The following CACNA1A variants were observed in gnomAD, a reference collection of about 807,000 sequenced individuals.
The protein encoded by CACNA1A is calcium voltage-gated channel subunit alpha1 A.
A neutral mutation model predicts 262.4 loss-of-function variants in CACNA1A; 57 were observed. The ratio of observed to expected loss-of-function variants is 0.22; its 90% CI spans 0.18 to 0.27. CACNA1A has a LOEUF of 0.27. Ranked by LOEUF, CACNA1A falls within the 10% of genes least tolerant of loss-of-function variation. The pLI is 1.00. For missense variants in CACNA1A, 2,526 were observed against 3,562.8 expected (o/e 0.71, Z 7.41); for synonymous variants, 1,431 against 1,419.3 (o/e 1.01, Z -0.18).
intron 3 of CACNA1A, among the ~76,000 whole-genome samples, chr19:13,443,497 A>T (rs1015946950): frequency 2.6e-5 from 4 of 152,046 alleles, no homozygotes; most frequent in African/African-American, 9.7e-5. Context: ...ATGTACCAAC[A>T]TACCTGGCCA....
At position 13,490,072 on chromosome 19, in the gene CACNA1A, C is replaced by T. The variant is rs553586342; in HGVS notation, c.293+15860G>A. On this transcript the variant is annotated intron_variant, in intron 1 of 46. Coordinates refer to ENST00000360228, the MANE Select transcript of CACNA1A (RefSeq NM_001127222.2). Reference sequence around the variant, plus strand: ...TTTCTCTCTGTGTTTTGTCCATCTACGTCCCAGTGCCCATGCCAAGGAGGA... The same window carrying T: ...TTTCTCTCTGTGTTTTGTCCATCTATGTCCCAGTGCCCATGCCAAGGAGGA... Among the ~76,000 whole-genome samples, 213 of 152,182 alleles carry T rather than the reference C, an allele frequency of 1.4e-3. 1 individual carries two copies. Among genetic ancestry groups the T allele is most frequent in the African/African-American group, 4.4e-3 (184 of 41,510 alleles).
intron 1 of CACNA1A, among the ~76,000 whole-genome samples, chr19:13,480,391 T>G (rs1310748512): frequency 6.6e-6 from 1 of 152,246 alleles, no homozygotes; most frequent in Non-Finnish European, 1.5e-5. Context: ...AAATAATACT[T>G]TCTCCTCCCT....
intron 44 of CACNA1A, 28 bp from the exon 45 acceptor site, chr19:13,209,526 G>C (rs753230279): frequency 7.8e-7 from 1 of 1,280,768 alleles, no homozygotes; most frequent in Non-Finnish European, 9.9e-7. Flanking sequence ...CCGGTGGGCT[G>C]GGGTCAGCAG....
chr19:13,331,863 T>A (rs1186026622), intron 9 of CACNA1A, among the ~76,000 whole-genome samples: 1 of 151,868 alleles, frequency 6.6e-6, no homozygotes, highest in African/African-American at 2.4e-5. Context: ...CCTCATTATG[T>A]TGCCCAGGCT....
intron 6 of CACNA1A, among the ~76,000 whole-genome samples, chr19:13,340,502 C>A (rs1406432014): frequency 6.7e-6 from 1 of 148,620 alleles, no homozygotes; most frequent in African/African-American, 2.5e-5. Flanking sequence ...TCTTGGCTCA[C>A]TGCAACCTCT....
rs1195950626 is a variant in CACNA1A, at chr19:13,317,274, A to C, written c.1393T>G (p.Ser465Ala). 58 of 1,612,678 alleles carry C rather than the reference A, an allele frequency of 3.6e-5. No homozygotes were observed. The highest frequency in any genetic ancestry group is 4.8e-5 in the Non-Finnish European group (56 of 1,178,902). Reference sequence around the variant, plus strand: ...CTCTCCTTTTTGTGAAAAAAGGTCGAGTTCTCCAGCTTGGCACTTTTAATG... The same window carrying C: ...CTCTCCTTTTTGTGAAAAAAGGTCGCGTTCTCCAGCTTGGCACTTTTAATG... ...ASIKSAKLENSTFFHKKERRM... is the reference protein window; with the variant it reads ...ASIKSAKLENATFFHKKERRM... Residue 465 changes from serine to alanine, a missense_variant, in exon 11 of 47, where the codon TCG becomes GCG. Ser to Ala is a moderately conservative substitution (Grantham distance 99). This residue lies in a region of CACNA1A where 104 missense variants were observed against 127.6 expected (regional missense o/e 0.81). Transcript: ENST00000360228.
At chr19:13,500,285 G>C (rs890288220) in intron 1 of CACNA1A, among the ~76,000 whole-genome samples, 2 of 152,234 alleles carry the variant, frequency 1.3e-5, no homozygotes, top group African/African-American at 4.8e-5. Context: ...TGGGGTTGCA[G>C]TGGTGAAGAA....
chr19:13,335,518 G>A (rs1340867509), intron 7 of CACNA1A, among the ~76,000 whole-genome samples: 1 of 152,160 alleles, frequency 6.6e-6, no homozygotes, highest in African/African-American at 2.4e-5. Flanking sequence ...TAGAGCATAT[G>A]CTATGATTTT....
At chr19:13,415,775 T>TAAAAAAAAAAAAAAAAAAAAA (rs1568623943) in intron 3 of CACNA1A, among the ~76,000 whole-genome samples, 4 of 83,780 alleles carry the variant, frequency 4.8e-5, no homozygotes, top group Non-Finnish European at 9.9e-5. Context: ...AAAAAAAAAG[T>TAAAAAAAAAAAAAAAAAAAAA]AGATGGGGCC....
At chr19:13,437,081 C>A (rs117577795) in intron 3 of CACNA1A, among the ~76,000 whole-genome samples, 1 of 152,174 alleles carries the variant, frequency 6.6e-6, no homozygotes, top group Non-Finnish European at 1.5e-5. Context: ...CAGACACAGG[C>A]ACACAGCATG....
At chr19:13,498,542 C>A (rs1441951006) in intron 1 of CACNA1A, among the ~76,000 whole-genome samples, 1 of 152,030 alleles carries the variant, frequency 6.6e-6, no homozygotes, top group Non-Finnish European at 1.5e-5. Context: ...GCAACAGGCA[C>A]CTTTAAGGAA....
intron 18 of CACNA1A, among the ~76,000 whole-genome samples, chr19:13,299,580 C>T (rs889439407): frequency 5.3e-5 from 8 of 152,184 alleles, no homozygotes; most frequent in African/African-American, 1.4e-4. Context: ...AGTCCTCCCC[C>T]CTGACCCAGA....
At chr19:13,249,184 GAA>G (rs1266405916) in intron 30 of CACNA1A, among the ~76,000 whole-genome samples, 2 of 152,236 alleles carry the variant, frequency 1.3e-5, no homozygotes, top group East Asian at 3.9e-4. Flanking sequence ...AGGCTGGTCT[GAA>G]ACGCCTGGGT....
intron 4 of CACNA1A, among the ~76,000 whole-genome samples, chr19:13,368,338 C>CTTTTTTTT (rs796514314): frequency 7.1e-6 from 1 of 140,658 alleles, no homozygotes; most frequent in African/African-American, 2.6e-5. Context: ...CTATCATTGG[C>CTTTTTTTT]TTTTTTTTTT....
At chr19:13,311,348 C>T (rs2058029779) in intron 12 of CACNA1A, among the ~76,000 whole-genome samples, 1 of 152,166 alleles carries the variant, frequency 6.6e-6, no homozygotes, top group Non-Finnish European at 1.5e-5. Flanking sequence ...GCCTCAGCCT[C>T]CTGAATAGCT....
chr19:13,368,312 G>A (rs977796548), intron 4 of CACNA1A, among the ~76,000 whole-genome samples: 2 of 151,436 alleles, frequency 1.3e-5, no homozygotes, highest in African/African-American at 4.9e-5. Flanking sequence ...AAGAGCCTTA[G>A]TTAGTATTTC....
intron 7 of CACNA1A, among the ~76,000 whole-genome samples, chr19:13,335,060 C>A (rs1241934212): frequency 6.6e-6 from 1 of 151,734 alleles, no homozygotes; most frequent in Non-Finnish European, 1.5e-5. Context: ...AAGAAAAAAA[C>A]CGAAAGGATA....
intron 4 of CACNA1A, among the ~76,000 whole-genome samples, chr19:13,367,423 T>C (rs2059234789): frequency 6.6e-6 from 1 of 150,508 alleles, no homozygotes; most frequent in Non-Finnish European, 1.5e-5. Context: ...TTCAGAAAGA[T>C]GGTGGTGAAT....
chr19:13,208,096 A>C, intron 46 of CACNA1A, 43 bp from the exon 47 acceptor site: 1 of 1,248,292 alleles, frequency 8.0e-7, no homozygotes, highest in Non-Finnish European at 1.0e-6. Context: ...AAAAAGATAC[A>C]ACAAAATCAA....
Sources: allele counts gnomAD v4.1 joint callset (sites outside exome capture counted in the v4.1 genomes callset), GRCh38; gene constraint gnomAD v4.1.1; regional missense constraint gnomAD v4.1.1; transcripts MANE v1.5; gene names NCBI Gene and HGNC (gene_info 2026-07-23, HGNC 2026-07-21).